SNAPC4: variants seen among roughly 807,000 people sequenced by gnomAD.
The protein encoded by SNAPC4 is snRNA-activating protein complex subunit 4.
SNAPC4 carries 127 observed loss-of-function variants against 151.3 expected under a neutral mutation model. The observed-to-expected ratio is 0.84, with a 90% CI of 0.73 to 0.97. The LOEUF (loss-of-function observed/expected upper bound fraction) is 0.97, where lower values mean the gene tolerates loss of function less well. Ranked by LOEUF, SNAPC4 falls within the 50% of genes least tolerant of loss-of-function variation. The pLI is 0.00. For missense variants in SNAPC4, 2,186 were observed against 1,935.0 expected (o/e 1.13, Z -2.43); for synonymous variants, 1,002 against 824.4 (o/e 1.22, Z -3.69).
At chr9:136,386,378 G>A (rs1051125470) in intron 13 of SNAPC4, among the ~76,000 whole-genome samples, 2 of 151,696 alleles carry the variant, frequency 1.3e-5, no homozygotes, top group African/African-American at 4.8e-5. Flanking sequence ...GGTGATGGCT[G>A]CACAGCTCAA....
chr9:136,379,455 C>T (rs1477890722), intron 21 of SNAPC4, among the ~76,000 whole-genome samples, 156 bp from the exon 22 acceptor site: 1 of 152,224 alleles, frequency 6.6e-6, no homozygotes, highest in Admixed American at 6.5e-5. Context: ...TCCCAAGTCA[C>T]AGTGGCTACC....
chr9:136,382,551 G>A (rs1030027055), intron 16 of SNAPC4, among the ~76,000 whole-genome samples: 3 of 152,216 alleles, frequency 2.0e-5, no homozygotes, highest in African/African-American at 4.8e-5. Flanking sequence ...CATTAACAGG[G>A]TCCCATGCCC....
chr9:136,380,681 C>T (rs1833654782), intron 20 of SNAPC4, 59 bp downstream of exon 20: 4 of 992,780 alleles, frequency 4.0e-6, no homozygotes, highest in South Asian at 1.4e-5. Flanking sequence ...CGTGGAAACC[C>T]ACTCCAACGC....
chr9:136,398,783 C>T (rs147671318), intron 1 of SNAPC4: 43 of 231,346 alleles, frequency 1.9e-4, no homozygotes, highest in Non-Finnish European at 3.4e-4. Flanking sequence ...ACTGGCCACC[C>T]AGCGTAGAAG....
chr9:136,379,491 C>T (rs1035332471), intron 21 of SNAPC4, among the ~76,000 whole-genome samples, 192 bp from the exon 22 acceptor site: 2 of 152,240 alleles, frequency 1.3e-5, no homozygotes, highest in African/African-American at 2.4e-5. Flanking sequence ...CCGGCCAAAG[C>T]CAGGGCAGTG....
chr9:136,399,056 C>T (rs1018053917), intron 1 of SNAPC4, among the ~76,000 whole-genome samples: 1 of 152,216 alleles, frequency 6.6e-6, no homozygotes, highest in African/African-American at 2.4e-5. Context: ...AAATGTTTGT[C>T]AAGCTTTTTT....
At chr9:136,395,945 G>A (rs1008676150) in intron 3 of SNAPC4, among the ~76,000 whole-genome samples, 175 bp from the exon 4 acceptor site, 2 of 152,234 alleles carry the variant, frequency 1.3e-5, no homozygotes, top group African/African-American at 4.8e-5. Context: ...GTCTGAGTTT[G>A]GGAGTGGAGC....
chr9:136,383,464 T>C lies in SNAPC4; in HGVS notation c.1705A>G (p.Met569Val), dbSNP rs1191561469. The change falls in exon 16 of 24, where the codon ATG becomes GTG. Residue 569 changes from methionine to valine, a missense_variant. Coordinates refer to ENST00000684778, the MANE Select transcript of SNAPC4 (RefSeq NM_003086.4). The surrounding 1 kb of genome is among the most constrained non-coding windows in gnomAD (Gnocchi z 4.2). ...LLSPQYMVPD[M>V]DLWVPARQST... ...TGCCTGGCAGGAACCCACAGGTCCA[T>C]GTCCGGGACCATGTACTGTGGGGAC... 3 of 1,562,926 alleles carry C rather than the reference T, an allele frequency of 1.9e-6. No homozygotes were observed. The highest frequency in any genetic ancestry group is 2.3e-5 in the South Asian group (2 of 86,114).
rs1425800718 is a variant in SNAPC4 at position 136,377,776 on chromosome 9, C to T, written c.4051G>A (p.Val1351Met). The change falls in exon 22 of 24, where the codon GTG becomes ATG. Residue 1351 changes from valine to methionine, a missense_variant. Transcript: ENST00000684778. ...GGGTTGTCCTGGAGCTGCCCCCGCA[C>T]CAGCCCCAGTGAGGCTTGCAGTGCT... ...AGALQASLGL[V>M]RGQLQDNPAY... is the part of the protein sequence containing the mutation. 1 of 1,611,826 alleles carries T rather than the reference C, an allele frequency of 6.2e-7. No individual in the cohort carries two copies. The highest frequency in any genetic ancestry group is 8.5e-7 in the Non-Finnish European group (1 of 1,179,558).
At chr9:136,389,895 C>T (rs975534906) in intron 10 of SNAPC4, among the ~76,000 whole-genome samples, 2 of 152,208 alleles carry the variant, frequency 1.3e-5, no homozygotes, top group African/African-American at 4.8e-5. Flanking sequence ...ACTAAAAACA[C>T]TTCCCTGGAA....
intron 9 of SNAPC4, 111 bp from the exon 10 acceptor site, chr9:136,392,217 A>C: frequency 7.5e-7 from 1 of 1,338,488 alleles, no homozygotes; most frequent in Non-Finnish European, 1.1e-6. Flanking sequence ...CCACGGCTGC[A>C]AGTAAGCGCA....
intron 9 of SNAPC4, among the ~76,000 whole-genome samples, 176 bp downstream of exon 9, chr9:136,392,346 G>A (rs113241959): frequency 4.0e-4 from 61 of 152,308 alleles, no homozygotes; most frequent in African/African-American, 1.3e-3. Context: ...GAAGGCCCTC[G>A]TGAGTCCACT....
rs891610328 is a variant in SNAPC4 at position 136,379,251 on chromosome 9, C to A, written c.2576G>T (p.Ser859Ile). ...VPAQEASKSASHKGSRRLASS... is the reference protein window; with the variant it reads ...VPAQEASKSAIHKGSRRLASS... ...CGCCAGTCTTCGGCTCCCTTTGTGG[C>A]TGGCACTCTTTGAGGCTTCTTGAGC... The change falls in exon 22 of 24, where the codon AGC (serine) becomes ATC (isoleucine). Residue 859 changes from serine to isoleucine, a missense_variant. Coordinates refer to ENST00000684778, the MANE Select transcript of SNAPC4 (RefSeq NM_003086.4). 6.2e-7 allele frequency: 1 copy of A among 1,612,654 alleles called. No homozygotes were observed. Among genetic ancestry groups the A allele is most frequent in the African/African-American group, 1.3e-5 (1 of 75,070 alleles).
Position 136,378,731 on chromosome 9 carries a change from G to A in SNAPC4, c.3096C>T (p.Ser1032=). 1 of 1,510,632 alleles carries A rather than the reference G, an allele frequency of 6.6e-7. No homozygotes were observed. The highest frequency in any genetic ancestry group is 1.3e-5 in the South Asian group (1 of 74,932). The allele number at this position is 1,510,632 out of a possible 1,614,324, so 93.6% of individuals were successfully genotyped here. The change falls in exon 22 of 24, where the codon TCC becomes TCT. Residue 1032 remains serine (S), a synonymous_variant. Transcript: ENST00000684778. ...GCGCCTCAGGCAGGCCCTGCTTCCG[G>A]GATGCAGCGGGGGCCTGAGACTGTC... ...GLGQSQAPAA[S]RKQGLPEAPP...
intron 21 of SNAPC4, 116 bp from the exon 22 acceptor site, chr9:136,379,415 A>G: frequency 6.7e-7 from 1 of 1,483,842 alleles, no homozygotes; most frequent in South Asian, 1.3e-5. Flanking sequence ...GTCTTGAGCC[A>G]AGAGAGGGTC....
rs117208709 is a variant in SNAPC4 at position 136,378,887 on chromosome 9, T to G, written c.2940A>C (p.Arg980Ser). The change falls in exon 22 of 24, where the codon AGA becomes AGC. Residue 980 changes from arginine to serine, a missense_variant. Arg to Ser is a moderately radical substitution (Grantham distance 110). Transcript: ENST00000684778. ...QEAGTSAKDKRLSTMQALPLA... is the reference protein window; with the variant it reads ...QEAGTSAKDKSLSTMQALPLA... The stretch of plus-strand genomic sequence containing the variant: ...GGGGCAGGGCTTGCATGGTGGAGAG[T>G]CTCTTGTCCTTGGCTGAAGTCCCAG... The G allele has an allele frequency of 0.01, 16,723 of 1,610,680 alleles. 95 individuals are homozygous for G. Among genetic ancestry groups the G allele is most frequent in the Non-Finnish European group, 0.012 (14,594 of 1,179,420 alleles).
Position 136,376,348 on chromosome 9 carries a change from C to T in SNAPC4, c.*7+1G>A, listed in dbSNP as rs760128442. ...CAGTGGCCTCCCCACTCAGGACTCA[C>T]CTGCTGCTCACACCAGCCGCCTCCG... is the stretch of plus-strand genomic sequence containing the variant. On this transcript the variant is annotated splice_donor_variant, in intron 23 of 23. Transcript: ENST00000684778. LOFTEE classifies it low-confidence loss of function (3UTR_SPLICE). 2 of 1,612,984 alleles carry T rather than the reference C, an allele frequency of 1.2e-6. No homozygotes were observed.
chr9:136,394,614 CTGGAAAGGACCTGCTCAGTG>C (rs1368913714), intron 6 of SNAPC4, among the ~76,000 whole-genome samples, 166 bp downstream of exon 6: 1 of 152,166 alleles, frequency 6.6e-6, no homozygotes, highest in East Asian at 1.9e-4. Flanking sequence ...GACTGGTGTT[CTGGAAAGGACCTGCTCAGTG>C]TGGAAAGGCA....
chr9:136,383,980 A>C lies in SNAPC4; in HGVS notation c.1473T>G (p.Cys491Trp). The stretch of plus-strand genomic sequence containing the variant: ...CCATCATGATCTTCCACTTGCTCAG[A>C]CACTGGGAGCCAGACCGATGGGGCA... ...SELPHRSGSQ[C>W]LSKWKIMMGK... is the part of the protein sequence containing the mutation. Residue 491 changes from cysteine (C) to tryptophan (W), a missense_variant, in exon 15 of 24, where the codon TGT becomes TGG. Physicochemically the swap from Cys to Trp is radical, Grantham distance 215 (BLOSUM62 -2). Transcript: ENST00000684778. This position sits in a 1 kb window ranked among gnomAD's most constrained non-coding sequence, Gnocchi z 4.2. The C allele has an allele frequency of 6.2e-7, 1 of 1,613,816 alleles. No individual in the cohort carries two copies. The highest frequency in any genetic ancestry group is 8.5e-7 in the Non-Finnish European group (1 of 1,179,986).
Sources: allele counts gnomAD v4.1 joint callset (sites outside exome capture counted in the v4.1 genomes callset), GRCh38; gene constraint gnomAD v4.1.1; non-coding constraint Gnocchi (gnomAD v3.1); transcripts MANE v1.5; gene names NCBI Gene and HGNC (gene_info 2026-07-23, HGNC 2026-07-21).